NECAP2: variants seen among roughly 807,000 people sequenced by gnomAD.
The protein encoded by NECAP2 is NECAP endocytosis associated 2.
Under a neutral mutation model 37.8 loss-of-function variants are expected in NECAP2, and 38 were observed. The ratio of observed to expected loss-of-function variants is 1.01; its 90% CI spans 0.78 to 1.32. NECAP2 has a LOEUF of 1.32. NECAP2 is among the 40% of genes most tolerant of loss of function. The pLI is 0.00. For synonymous variants in NECAP2, 121 were observed against 127.7 expected (o/e 0.95, Z 0.35); for missense variants, 316 against 334.5 (o/e 0.94, Z 0.43).
chr1:16,456,159 G>A (rs2086915719), intron 7 of NECAP2, among the ~76,000 whole-genome samples: 1 of 151,966 alleles, frequency 6.6e-6, no homozygotes, highest in Admixed American at 6.6e-5. Flanking sequence ...GAGTAGCTGG[G>A]ATTACAGGCA....
In NECAP2 at chr1:16,448,154, G is replaced by A. The variant is rs1195170595; in HGVS notation, c.380+13G>A. On this transcript the variant is annotated intron_variant, in intron 4 of 7. Transcript: ENST00000337132. ...AGGACCATTTCAAGTGAGTGGGTCT[G>A]GGAGACACACGCTCATGCCCCTCCC... The A allele has an allele frequency of 1.2e-6, 2 of 1,607,358 alleles. No homozygotes were observed. The highest frequency in any genetic ancestry group is 1.7e-6 in the Non-Finnish European group (2 of 1,173,924).
chr1:16,447,109 C>T (rs988690665), intron 2 of NECAP2, among the ~76,000 whole-genome samples: 14 of 150,998 alleles, frequency 9.3e-5, no homozygotes, highest in Admixed American at 2.6e-4. Context: ...GCTCAAGCAA[C>T]GCACCCCACT....
At position 16,447,913 on chromosome 1, in the gene NECAP2, A is replaced by T; in HGVS notation, c.237A>T (p.Thr79=). The change falls in exon 3 of 8, where the codon ACA becomes ACT. Residue 79 remains threonine (T), a synonymous_variant. Transcript: ENST00000337132. ...AQAPVDQFPG[T]AVESVTDSSR... ...CCCCGGTGGATCAGTTTCCTGGCAC[A>T]GCTGTGGAGAGTGTGACGGATTCCA... 6.2e-7 allele frequency: 1 copy of T among 1,614,174 alleles called. No homozygotes were observed. The highest frequency in any genetic ancestry group is 8.5e-7 in the Non-Finnish European group (1 of 1,180,026).
chr1:16,450,256 TTG>T (rs1353845470), intron 5 of NECAP2: 9 of 377,964 alleles, frequency 2.4e-5, no homozygotes, highest in South Asian at 7.3e-5. Context: ...TGGTTTTTTT[TTG>T]TTTTGTTTTG....
At chr1:16,444,120 G>A (rs763760748) in intron 2 of NECAP2, among the ~76,000 whole-genome samples, 58 of 152,144 alleles carry the variant, frequency 3.8e-4, no homozygotes, top group Non-Finnish European at 6.9e-4. Context: ...TCAATGCAGC[G>A]GTAACTCCCA....
In NECAP2 at chr1:16,459,140, C is replaced by A; in HGVS notation, c.*250C>A. ...AAAGCTCCAGGATCCCTGTCCCCATCTGTCCTCTTGATGTGAGAGAGACTC... is the reference window on the plus strand; with the variant it reads ...AAAGCTCCAGGATCCCTGTCCCCATATGTCCTCTTGATGTGAGAGAGACTC... On this transcript the variant is annotated 3_prime_UTR_variant, in exon 8 of 8. Coordinates refer to ENST00000337132, the MANE Select transcript of NECAP2 (RefSeq NM_018090.5). The A allele has an allele frequency of 1.3e-6, 1 of 761,816 alleles. No individual in the cohort carries two copies. The highest frequency in any genetic ancestry group is 2.1e-6 in the Non-Finnish European group (1 of 485,108). 47.2% of individuals were successfully genotyped at this position (761,816 alleles called of 1,614,324 possible). A position where few individuals can be genotyped will look rare whatever the true frequency, so the allele number is the denominator to read the frequency against.
In NECAP2 at chr1:16,447,785, C is replaced by T. The variant is rs141897360; in HGVS notation, c.194-85C>T. ...GTCTCAGCTGGTTAGAGATGCCTTGCGGGCAAAAGGCCCAGTAGTGTGGTA... is the reference window on the plus strand; with the variant it reads ...GTCTCAGCTGGTTAGAGATGCCTTGTGGGCAAAAGGCCCAGTAGTGTGGTA... On this transcript the variant is annotated intron_variant, in intron 2 of 7. Coordinates refer to ENST00000337132, the MANE Select transcript of NECAP2 (RefSeq NM_018090.5). The T allele has an allele frequency of 5.8e-3, 6,170 of 1,065,806 alleles. 46 individuals carry two copies. The highest frequency in any genetic ancestry group is 6.8e-3 in the Non-Finnish European group (4,654 of 683,826). The allele number at this position is 1,065,806 out of a possible 1,614,324, so 66.0% of individuals were successfully genotyped here.
At chr1:16,456,342 A>G (rs755235221) in intron 7 of NECAP2, among the ~76,000 whole-genome samples, 1 of 152,122 alleles carries the variant, frequency 6.6e-6, no homozygotes, top group South Asian at 2.1e-4. Flanking sequence ...GATGTTTTCA[A>G]GCTAGCCAGA....
chr1:16,456,508 T>G (rs527298922), intron 7 of NECAP2, among the ~76,000 whole-genome samples: 238 of 152,262 alleles, frequency 1.6e-3, no homozygotes, highest in Non-Finnish European at 2.5e-3. Flanking sequence ...TACCTCCTTC[T>G]TCTATACCCC....
At chr1:16,452,108 A>G (rs999952043) in intron 6 of NECAP2, 93 bp downstream of exon 6, 71 of 1,299,716 alleles carry the variant, frequency 5.5e-5, no homozygotes, top group Non-Finnish European at 6.6e-5. Context: ...CGTTACACAC[A>G]TGGATTGGTC....
At chr1:16,456,971 G>A (rs1220341307) in intron 7 of NECAP2, among the ~76,000 whole-genome samples, 3 of 152,080 alleles carry the variant, frequency 2.0e-5, no homozygotes. Flanking sequence ...CAGAGTGCTG[G>A]GATTATAGGC....
intron 4 of NECAP2, 82 bp from the exon 5 acceptor site, chr1:16,449,011 C>T (rs2086803285): frequency 1.2e-6 from 1 of 865,838 alleles, no homozygotes. Flanking sequence ...GGACTGATAG[C>T]AGGCAGTAGT....
chr1:16,444,257 C>T (rs1031873833), intron 2 of NECAP2, among the ~76,000 whole-genome samples: 2 of 152,176 alleles, frequency 1.3e-5, no homozygotes, highest in Non-Finnish European at 2.9e-5. Context: ...GGGGAAACTT[C>T]ACAAGTCCTG....
intron 6 of NECAP2, chr1:16,455,558 G>A (rs192904030): frequency 1.7e-5 from 8 of 464,166 alleles, no homozygotes; most frequent in East Asian, 1.3e-4. Flanking sequence ...CCCATCCCGC[G>A]GGCACCCCTC....
At chr1:16,452,098 C>T (rs575055288) in intron 6 of NECAP2, 83 bp downstream of exon 6, 37 of 1,364,336 alleles carry the variant, frequency 2.7e-5, no homozygotes, top group African/African-American at 1.0e-4. Flanking sequence ...GTTTCCCCCC[C>T]GTTACACACA....
chr1:16,458,094 G>T (rs955822089), intron 7 of NECAP2, among the ~76,000 whole-genome samples: 4 of 152,108 alleles, frequency 2.6e-5, no homozygotes, highest in Non-Finnish European at 5.9e-5. Flanking sequence ...CATCGTTCTT[G>T]AACAGTTTTT....
intron 6 of NECAP2, among the ~76,000 whole-genome samples, chr1:16,452,762 C>T (rs540048558): frequency 5.2e-4 from 79 of 152,116 alleles, no homozygotes; most frequent in African/African-American, 1.8e-3. Context: ...TCTACCTCCC[C>T]GCGCGCCCCC....
chr1:16,449,952 T>C (rs1422731574), intron 5 of NECAP2: 2 of 291,678 alleles, frequency 6.9e-6, no homozygotes, highest in African/African-American at 2.3e-5. Flanking sequence ...AGAGTCATGA[T>C]TGCGGGGACC....
intron 7 of NECAP2, 113 bp from the exon 8 acceptor site, chr1:16,458,729 A>G (rs2086965844): frequency 3.7e-6 from 4 of 1,087,052 alleles, no homozygotes; most frequent in Admixed American, 2.1e-5. Context: ...GCTCTAGAAC[A>G]TTTAGGAACT....
Sources: allele counts gnomAD v4.1 joint callset (sites outside exome capture counted in the v4.1 genomes callset), GRCh38; gene constraint gnomAD v4.1.1; transcripts MANE v1.5; gene names NCBI Gene and HGNC (gene_info 2026-07-23, HGNC 2026-07-21).